The following CHL1 variants were observed in gnomAD, a reference collection of about 807,000 sequenced individuals.
The protein encoded by CHL1 is neural cell adhesion molecule L1-like protein.
CHL1 carries 96 observed loss-of-function variants against 141.9 expected under a neutral mutation model. The observed-to-expected ratio is 0.68, with a 90% CI of 0.57 to 0.80. The LOEUF (loss-of-function observed/expected upper bound fraction) is 0.80. CHL1 is among the 30% of genes least tolerant of loss of function. The pLI, the probability that CHL1 is intolerant of heterozygous loss-of-function variation, is 0.00. For missense variants in CHL1, 1,820 were observed against 1,457.2 expected, an observed-to-expected ratio of 1.25 and a Z score of -4.05; for synonymous variants, 613 against 502.2, an observed-to-expected ratio of 1.22 and a Z score of -2.95.
intron 19 of CHL1, among the ~76,000 whole-genome samples, chr3:385,178 A>G (rs1478879254): frequency 2.0e-5 from 3 of 152,166 alleles, no homozygotes; most frequent in African/African-American, 7.2e-5. Flanking sequence ...GTTCCATAGA[A>G]ATTTTCATAA....
In CHL1 at chr3:249,216, A is replaced by T. The variant is rs552390600; in HGVS notation, c.-95+4524A>T. ...CACAACTGCAGAGGGCAAAGAGCAG[A>T]CACATCTCAGAGCCTAGTGATGAAG... On this transcript the variant is annotated intron_variant, in intron 2 of 27. Coordinates refer to ENST00000256509, the MANE Select transcript of CHL1 (RefSeq NM_006614.4). 1.0e-3 allele frequency among the ~76,000 whole-genome samples: 159 copies of T among 152,326 alleles called. 1 individual carries two copies. The highest frequency in any genetic ancestry group is 3.7e-3 in the African/African-American group (153 of 41,592).
Position 363,288 on chromosome 3 carries a change from T to C in CHL1, c.1490T>C (p.Ile497Thr). The change falls in exon 14 of 28, where the codon ATC becomes ACC. Residue 497 changes from isoleucine (I) to threonine (T), a missense_variant. Ile to Thr is a moderately conservative substitution (Grantham distance 89). Coordinates refer to ENST00000256509, the MANE Select transcript of CHL1 (RefSeq NM_006614.4). ...YHIYENGTLQINRTTEEDAGS... is the reference protein window; with the variant it reads ...YHIYENGTLQTNRTTEEDAGS... Reference sequence around the variant, plus strand: ...ATCTATGAAAATGGCACATTGCAGATCAACAGAACCACCGAAGAAGATGCT... The same window carrying C: ...ATCTATGAAAATGGCACATTGCAGACCAACAGAACCACCGAAGAAGATGCT... 1 of 1,613,690 alleles carries C rather than the reference T, an allele frequency of 6.2e-7. No individual in the cohort carries two copies. Among genetic ancestry groups the C allele is most frequent in the Non-Finnish European group, 8.5e-7 (1 of 1,179,768 alleles).
chr3:394,864 G>C lies in CHL1; in HGVS notation c.3086G>C (p.Gly1029Ala). The C allele has an allele frequency of 6.2e-7, 1 of 1,610,244 alleles. No individual in the cohort carries two copies. The highest frequency in any genetic ancestry group is 8.5e-7 in the Non-Finnish European group (1 of 1,178,880). Residue 1029 changes from glycine (G) to alanine (A), a missense_variant, in exon 24 of 28, where the codon GGA (glycine) becomes GCA (alanine). By Grantham distance (60) the Gly-to-Ala change is moderately conservative. Coordinates refer to ENST00000256509, the MANE Select transcript of CHL1 (RefSeq NM_006614.4). Reference protein sequence around the residue: ...KPITEESSTLGEGSKGIGKIS... With the variant: ...KPITEESSTLAEGSKGIGKIS... Reference sequence around the variant, plus strand: ...ATCACGGAGGAAAGCTCCACCTTAGGAGAAGGGAGTAAGTACATGAGGCTT... The same window carrying C: ...ATCACGGAGGAAAGCTCCACCTTAGCAGAAGGGAGTAAGTACATGAGGCTT...
At chr3:238,806 G>A (rs1203640609) in intron 1 of CHL1, among the ~76,000 whole-genome samples, 8 of 151,474 alleles carry the variant, frequency 5.3e-5, no homozygotes, top group African/African-American at 1.9e-4. Context: ...GGTGGCGGGT[G>A]TCTGTAATCC....
intron 1 of CHL1, among the ~76,000 whole-genome samples, chr3:201,110 A>C (rs765510742): frequency 6.6e-6 from 1 of 152,200 alleles, no homozygotes; most frequent in Non-Finnish European, 1.5e-5. Context: ...AATTGGTTGG[A>C]ATTCTGTATC....
chr3:332,811 C>G (rs1214303334), intron 5 of CHL1, among the ~76,000 whole-genome samples: 1 of 151,974 alleles, frequency 6.6e-6, no homozygotes, highest in African/African-American at 2.4e-5. Context: ...TAAGTTAAGA[C>G]CAGAGAAAAG....
Position 382,541 on chromosome 3 carries a change from A to G in CHL1, c.2046A>G (p.Gln682=), listed in dbSNP as rs372108880. Residue 682 remains glutamine (Q), a synonymous_variant, in exon 18 of 28, where the codon CAA becomes CAG. Coordinates refer to ENST00000256509, the MANE Select transcript of CHL1 (RefSeq NM_006614.4). The part of the protein sequence containing the change: ...PGRWEELTRV[Q]GKKTTVILPL... ...GGTGGGAGGAACTGACCAGAGTCCA[A>G]GGAAAGAAAACCACAGTTATCTTAC... 8.1e-6 allele frequency: 13 copies of G among 1,613,842 alleles called. No homozygotes were observed. Among genetic ancestry groups the G allele is most frequent in the South Asian group, 1.1e-5 (1 of 91,080 alleles).
chr3:201,944 A>G (rs1360691999), intron 1 of CHL1, among the ~76,000 whole-genome samples: 1 of 151,840 alleles, frequency 6.6e-6, no homozygotes, highest in East Asian at 1.9e-4. Flanking sequence ...CAGACTGTAA[A>G]CTCCTTGAGG....
intron 2 of CHL1, among the ~76,000 whole-genome samples, chr3:269,696 T>G (rs1375514260): frequency 6.6e-6 from 1 of 152,210 alleles, no homozygotes; most frequent in Non-Finnish European, 1.5e-5. Flanking sequence ...CAGCTAATTT[T>G]ATCTTTTTAG....
At chr3:388,391 T>C (rs7647980) in intron 19 of CHL1, among the ~76,000 whole-genome samples, 8,767 of 151,392 alleles carry the variant, frequency 0.058, 867 homozygotes, top group African/African-American at 0.2. Context: ...CTACTAAAAA[T>C]ACAAAATTAG....
intron 19 of CHL1, among the ~76,000 whole-genome samples, chr3:387,202 A>G (rs1707810049): frequency 6.6e-6 from 1 of 152,184 alleles, no homozygotes; most frequent in Non-Finnish European, 1.5e-5. Flanking sequence ...CATACTAACA[A>G]TATCATTGGT....
chr3:385,260 C>T (rs1045719184), intron 19 of CHL1, among the ~76,000 whole-genome samples: 2 of 152,096 alleles, frequency 1.3e-5, no homozygotes, highest in Non-Finnish European at 2.9e-5. Context: ...AGAAGCACAT[C>T]ATGTTCCAGT....
At chr3:302,379 C>T (rs191765437) in intron 2 of CHL1, among the ~76,000 whole-genome samples, 67 of 152,312 alleles carry the variant, frequency 4.4e-4, no homozygotes, top group African/African-American at 1.5e-3. Context: ...AAAAGCATTC[C>T]TATTTTTCCA....
intron 19 of CHL1, among the ~76,000 whole-genome samples, 197 bp downstream of exon 19, chr3:384,083 CT>C (rs1707380421): frequency 6.6e-6 from 1 of 152,124 alleles, no homozygotes; most frequent in Admixed American, 6.6e-5. Flanking sequence ...GAGTTTAACA[CT>C]GGTCAACAAT....
chr3:264,520 G>C (rs374540374), intron 2 of CHL1, among the ~76,000 whole-genome samples: 1 of 152,048 alleles, frequency 6.6e-6, no homozygotes, highest in East Asian at 1.9e-4. Context: ...AAATGCCCCT[G>C]GTCTGTATCA....
intron 5 of CHL1, among the ~76,000 whole-genome samples, chr3:337,094 G>C (rs1244305156): frequency 6.6e-6 from 1 of 151,988 alleles, no homozygotes; most frequent in Non-Finnish European, 1.5e-5. Flanking sequence ...TGCTTGCTTT[G>C]CTGATGCAAA....
intron 2 of CHL1, among the ~76,000 whole-genome samples, chr3:305,589 G>T (rs986536575): frequency 1.3e-5 from 2 of 151,584 alleles, no homozygotes; most frequent in Admixed American, 6.6e-5. Context: ...TTACCTGTTT[G>T]TTCTATAGAT....
intron 25 of CHL1, 132 bp downstream of exon 25, chr3:398,517 G>C: frequency 1.9e-6 from 1 of 529,406 alleles, no homozygotes. Flanking sequence ...ATTTCAATTT[G>C]TTTTGACATA....
chr3:271,813 G>T (rs973862165), intron 2 of CHL1, among the ~76,000 whole-genome samples: 2 of 152,086 alleles, frequency 1.3e-5, no homozygotes, highest in Non-Finnish European at 2.9e-5. Flanking sequence ...ATTGTGTGTT[G>T]GGGAAGCATC....
Sources: allele counts gnomAD v4.1 joint callset (sites outside exome capture counted in the v4.1 genomes callset), GRCh38; gene constraint gnomAD v4.1.1; transcripts MANE v1.5; gene names NCBI Gene and HGNC (gene_info 2026-07-23, HGNC 2026-07-21).